PAPLN: variants seen among roughly 807,000 people sequenced by gnomAD.
PAPLN encodes the protein papilin.
PAPLN carries 146 observed loss-of-function variants against 159.0 expected under a neutral mutation model. That is an observed-to-expected ratio of 0.92 (90% CI 0.80 to 1.05). PAPLN has a LOEUF of 1.05. Ranked by LOEUF, PAPLN falls within the 50% of genes least tolerant of loss-of-function variation. The pLI is 0.00. For missense variants in PAPLN, 1,720 were observed against 1,743.9 expected (o/e 0.99, Z 0.24); for synonymous variants, 734 against 702.9 (o/e 1.04, Z -0.70).
chr14:73,258,226 G>T (rs1237299992), intron 14 of PAPLN, among the ~76,000 whole-genome samples: 7 of 152,106 alleles, frequency 4.6e-5, no homozygotes, highest in Admixed American at 4.6e-4. Context: ...ACATCCTAGT[G>T]GGTGGGAAGC....
chr14:73,264,388 G>T, intron 21 of PAPLN, 53 bp downstream of exon 21: 2 of 1,581,298 alleles, frequency 1.3e-6, no homozygotes, highest in Non-Finnish European at 1.7e-6. Flanking sequence ...CGAGTGGGAA[G>T]GCCAGGATGG....
At chr14:73,269,705 A>G (rs942145153) in intron 26 of PAPLN, among the ~76,000 whole-genome samples, 6 of 152,190 alleles carry the variant, frequency 3.9e-5, no homozygotes, top group Non-Finnish European at 2.9e-5. Context: ...ACAGAGTGGT[A>G]CCTCGGGCCA....
chr14:73,238,957 C>A (rs1381942429), intron 1 of PAPLN, among the ~76,000 whole-genome samples: 1 of 152,182 alleles, frequency 6.6e-6, no homozygotes, highest in Non-Finnish European at 1.5e-5. Context: ...TGTCATTCTG[C>A]GATACAGCGA....
chr14:73,241,717 G>A (rs1200658823), intron 2 of PAPLN, among the ~76,000 whole-genome samples: 1 of 152,230 alleles, frequency 6.6e-6, no homozygotes, highest in Non-Finnish European at 1.5e-5. Flanking sequence ...GAACCACCCA[G>A]TCCGAGCACC....
At chr14:73,242,181 A>G (rs1028291078) in intron 2 of PAPLN, among the ~76,000 whole-genome samples, 16 of 152,260 alleles carry the variant, frequency 1.1e-4, no homozygotes, top group African/African-American at 3.6e-4. Flanking sequence ...GGGACGGACT[A>G]GGGCTCCTGG....
At position 73,237,831 on chromosome 14, in the gene PAPLN, C is replaced by T. The variant is rs866129673; in HGVS notation, c.-7+239C>T. ...AATGCAGAGAGCCGGGGAGCTGGTG[C>T]GGGACGGCCCCGGCGCGCACCCTCC... On this transcript the variant is annotated intron_variant, in intron 1 of 26. Transcript: ENST00000644200. Among the ~76,000 whole-genome samples, 2 of 152,190 alleles carry T rather than the reference C, an allele frequency of 1.3e-5. 1 individual carries two copies. The highest frequency in any genetic ancestry group is 6.8e-3 in the Middle Eastern group (2 of 292).
At position 73,260,845 on chromosome 14, in the gene PAPLN, G is replaced by T; in HGVS notation, c.2106+16G>T. 6 of 1,497,556 alleles carry T rather than the reference G, an allele frequency of 4.0e-6. No individual in the cohort carries two copies. The South Asian group carries it at 6.8e-5, about 17-fold the overall frequency. The allele number at this position is 1,497,556 out of a possible 1,614,324, so 92.8% of individuals were successfully genotyped here. A position where few individuals can be genotyped will look rare whatever the true frequency, so the allele number is the denominator to read the frequency against. The stretch of plus-strand genomic sequence containing the variant: ...GGCTTCTACAGTAAGTGTCTGGCCT[G>T]GGGGAGGGGAGCAGGGGGCCAGCCC... On this transcript the variant is annotated intron_variant, in intron 17 of 26. Transcript: ENST00000644200.
At chr14:73,239,068 A>T (rs1174244198) in intron 1 of PAPLN, among the ~76,000 whole-genome samples, 1 of 152,224 alleles carries the variant, frequency 6.6e-6, no homozygotes, top group Non-Finnish European at 1.5e-5. Flanking sequence ...CGCACACTGC[A>T]CATGCACTTT....
intron 22 of PAPLN, 80 bp downstream of exon 22, chr14:73,264,806 G>A (rs532022966): frequency 1.1e-5 from 18 of 1,589,376 alleles, no homozygotes; most frequent in African/African-American, 6.8e-5. Context: ...GGAGGGGAAC[G>A]TCTGCTGTGA....
chr14:73,259,872 C>T (rs942676346), intron 16 of PAPLN, among the ~76,000 whole-genome samples: 7 of 152,126 alleles, frequency 4.6e-5, no homozygotes, highest in Admixed American at 6.5e-5. Flanking sequence ...AGGGAACTCA[C>T]GGTAAAGGCT....
chr14:73,255,264 A>G (rs906127873), intron 14 of PAPLN, among the ~76,000 whole-genome samples: 2 of 152,064 alleles, frequency 1.3e-5, no homozygotes, highest in African/African-American at 4.8e-5. Context: ...TGGCCCCCAT[A>G]GCATGCTGTC....
At chr14:73,263,324 C>T (rs529162221) in intron 19 of PAPLN, 58 of 481,140 alleles carry the variant, frequency 1.2e-4, no homozygotes, top group South Asian at 2.2e-4. Context: ...ATGGGTCGAG[C>T]GTGTAGTTTA....
At position 73,259,389 on chromosome 14, in the gene PAPLN, CCT is replaced by C. The variant is rs765996094; in HGVS notation, c.1834_1835del (p.Leu612AlafsTer56). On this transcript the variant is annotated frameshift_variant, in exon 16 of 27. Transcript: ENST00000644200. LOFTEE classifies it high-confidence loss of function. ...CACCTGTCAGCCCTGGGCCCCGCTCCCTCTCTGCAGCAGCCCCCATACCAGCA... is the reference window on the plus strand; with the variant it reads ...CACCTGTCAGCCCTGGGCCCCGCTCCCTCTGCAGCAGCCCCCATACCAGCA... 1.9e-6 allele frequency: 3 copies of C among 1,612,502 alleles called. No individual in the cohort carries two copies. The highest frequency in any genetic ancestry group is 4.5e-5 in the East Asian group (2 of 44,836).
In PAPLN at chr14:73,259,460, C is replaced by T; in HGVS notation, c.1900C>T (p.Pro634Ser). The T allele has an allele frequency of 6.2e-7, 1 of 1,611,750 alleles. No individual in the cohort carries two copies. The highest frequency in any genetic ancestry group is 8.5e-7 in the Non-Finnish European group (1 of 1,179,308). ...GSGPHDCRHS[P>S]HGCCPDGHTA... ...AGGGCCCCACGACTGCAGACACAGT[C>T]CTCACGGGTGCTGCCCCGATGGCCA... Residue 634 changes from proline to serine, a missense_variant, in exon 16 of 27, where the codon CCT (proline) becomes TCT (serine). By Grantham distance (74) the Pro-to-Ser change is moderately conservative. Transcript: ENST00000644200.
chr14:73,241,827 C>T (rs145668163), intron 2 of PAPLN, among the ~76,000 whole-genome samples: 7 of 152,372 alleles, frequency 4.6e-5, no homozygotes, highest in Non-Finnish European at 8.8e-5. Context: ...CCTCTGCTCC[C>T]GTCTGCACAC....
chr14:73,272,668 T>TGAA lies in PAPLN; in HGVS notation c.*6_*8dup. 2 of 1,563,210 alleles carry TGAA rather than the reference T, an allele frequency of 1.3e-6. No individual in the cohort carries two copies. Among genetic ancestry groups the TGAA allele is most frequent in the South Asian group, 2.3e-5 (2 of 86,740 alleles). On this transcript the variant is annotated 3_prime_UTR_variant, in exon 27 of 27. Transcript: ENST00000644200. ...CGCTCAGCCCATCTGGCAGTAGGGA[T>TGAA]GAAGGCTAGTTCCAGCCCCAGTCCA... is the stretch of plus-strand genomic sequence containing the variant.
chr14:73,262,473 A>G lies in PAPLN; in HGVS notation c.2369A>G (p.Asn790Ser). ...NRFWYGGCHG[N>S]ANNFASEQEC... is the part of the protein sequence containing the mutation. ...TTCTGGTATGGCGGCTGCCATGGCA[A>G]TGCCAATAACTTTGCCTCGGAGCAA... The change falls in exon 19 of 27, where the codon AAT becomes AGT. Residue 790 changes from asparagine to serine, a missense_variant. Transcript: ENST00000644200. The G allele has an allele frequency of 6.2e-7, 1 of 1,609,156 alleles. No individual in the cohort carries two copies.
rs1885557360 is a variant in PAPLN at position 73,253,619 on chromosome 14, T to G, written c.1095-135T>G. The G allele has an allele frequency of 4.8e-6, 4 of 828,064 alleles. No individual in the cohort carries two copies. The South Asian group carries it at 7.2e-5, about 15-fold the overall frequency. The allele number at this position is 828,064 out of a possible 1,614,324, so 51.3% of individuals were successfully genotyped here. ...AGGAGCGCCTGGGTCGTAGCCTTTG[T>G]TCAGGCTGGAGGCTCAGAGGATGGG... On this transcript the variant is annotated intron_variant, in intron 11 of 26. Transcript: ENST00000644200.
chr14:73,251,140 T>A, intron 7 of PAPLN, 110 bp downstream of exon 7: 1 of 1,489,954 alleles, frequency 6.7e-7, no homozygotes, highest in Non-Finnish European at 9.0e-7. Flanking sequence ...CTCATGGCAC[T>A]GGAAGGCTCT....
Sources: allele counts gnomAD v4.1 joint callset (sites outside exome capture counted in the v4.1 genomes callset), GRCh38; gene constraint gnomAD v4.1.1; transcripts MANE v1.5; gene names NCBI Gene and HGNC (gene_info 2026-07-23, HGNC 2026-07-21).